CAMTA1: variants seen among roughly 807,000 people sequenced by gnomAD.
The protein encoded by CAMTA1 is calmodulin-binding transcription activator 1.
A neutral mutation model predicts 170.9 loss-of-function variants in CAMTA1; 27 were observed. The ratio of observed to expected loss-of-function variants is 0.16; its 90% CI spans 0.12 to 0.22. CAMTA1 has a LOEUF of 0.22. CAMTA1 is among the 10% of genes least tolerant of loss of function. CAMTA1 has a pLI of 1.00. For missense variants in CAMTA1, 1,619 were observed against 2,217.2 expected (o/e 0.73, Z 5.42); for synonymous variants, 833 against 891.5 (o/e 0.93, Z 1.17).
rs574643601 is a variant in CAMTA1, at chr1:7,333,706, G to A, written c.438+84080G>A. 4.6e-4 allele frequency among the ~76,000 whole-genome samples: 70 copies of A among 152,330 alleles called. No homozygotes were observed. The highest frequency in any genetic ancestry group is 1.6e-3 in the African/African-American group (66 of 41,574). On this transcript the variant is annotated intron_variant, in intron 5 of 22. Transcript: ENST00000303635. The surrounding 1 kb of genome is among the most constrained non-coding windows in gnomAD (Gnocchi z 4.4). Reference sequence around the variant, plus strand: ...CAATAAGCATCCCGGTGATCTGTGTGCCTTGCAGGGGCGTGGAGCCTGGTG... The same window carrying A: ...CAATAAGCATCCCGGTGATCTGTGTACCTTGCAGGGGCGTGGAGCCTGGTG...
chr1:7,060,854 C>A (rs138157268), intron 3 of CAMTA1, among the ~76,000 whole-genome samples: 1 of 152,176 alleles, frequency 6.6e-6, no homozygotes, highest in Non-Finnish European at 1.5e-5. Flanking sequence ...GCCAGGAAAG[C>A]GGAGTTGCTG....
At chr1:7,396,574 A>G (rs570505915) in intron 5 of CAMTA1, among the ~76,000 whole-genome samples, 2 of 152,342 alleles carry the variant, frequency 1.3e-5, no homozygotes, top group East Asian at 1.9e-4. Flanking sequence ...GTCTTATTCC[A>G]GATCTTAGAA....
At chr1:7,274,376 A>G (rs1419798897) in intron 5 of CAMTA1, among the ~76,000 whole-genome samples, 1 of 152,206 alleles carries the variant, frequency 6.6e-6, no homozygotes, top group Non-Finnish European at 1.5e-5. Context: ...GATATTTTAT[A>G]ATGATAAGAG....
chr1:7,336,780 T>TGCAGAGCTAACCACTGGGCCTCCTTC (rs2083409184), intron 5 of CAMTA1, among the ~76,000 whole-genome samples: 1 of 152,176 alleles, frequency 6.6e-6, no homozygotes, highest in African/African-American at 2.4e-5. Context: ...GAACCTCCCC[T>TGCAGAGCTAACCACTGGGCCTCCTTC]GCAGAGCTAA....
Position 6,931,094 on chromosome 1 carries a change from A to G in CAMTA1, c.234+105884A>G, listed in dbSNP as rs544454068. Among the ~76,000 whole-genome samples, 11 of 152,316 alleles carry G rather than the reference A, an allele frequency of 7.2e-5. No homozygotes were observed. In the East Asian group the frequency reaches 1.9e-3, roughly 27 times the overall value. ...AAGGCTACAAGGCATGGGGGCAAAA[A>G]GAAACCTCCGTTCATACCCCCAGTG... On this transcript the variant is annotated intron_variant, in intron 3 of 22. Transcript: ENST00000303635.
At chr1:7,256,468 G>A (rs545282023) in intron 5 of CAMTA1, among the ~76,000 whole-genome samples, 1 of 152,358 alleles carries the variant, frequency 6.6e-6, no homozygotes, top group East Asian at 1.9e-4. Context: ...GCTGAGGCAG[G>A]AGAATGGCGT....
intron 11 of CAMTA1, among the ~76,000 whole-genome samples, chr1:7,689,427 A>G (rs769409746): frequency 3.3e-5 from 5 of 150,868 alleles, no homozygotes; most frequent in Admixed American, 6.6e-5. Context: ...TACAAAAATT[A>G]GCCAGGTGTG....
At chr1:6,912,217 A>G (rs770849787) in intron 3 of CAMTA1, among the ~76,000 whole-genome samples, 2 of 152,160 alleles carry the variant, frequency 1.3e-5, no homozygotes, top group Non-Finnish European at 2.9e-5. Flanking sequence ...CCTCCCCAGG[A>G]AGTCTTGCAC....
At position 6,820,389 on chromosome 1, in the gene CAMTA1, A is replaced by C. The variant is rs1293656125; in HGVS notation, c.115+139A>C. The C allele has an allele frequency of 1.1e-5, 8 of 734,234 alleles. No individual in the cohort carries two copies. The East Asian group carries it at 2.2e-4, about 20-fold the overall frequency. 45.5% of individuals were successfully genotyped at this position (734,234 alleles called of 1,614,324 possible). A position where few individuals can be genotyped will look rare whatever the true frequency, so the allele number is the denominator to read the frequency against. Reference sequence around the variant, plus strand: ...CTGCACTTAACTGCTGTGTGATCTTAGATGAGTTACTTAATCCTTCTGGGG... The same window carrying C: ...CTGCACTTAACTGCTGTGTGATCTTCGATGAGTTACTTAATCCTTCTGGGG... On this transcript the variant is annotated intron_variant, in intron 2 of 22. Coordinates refer to ENST00000303635, the MANE Select transcript of CAMTA1 (RefSeq NM_015215.4).
chr1:7,539,136 A>G (rs572098918), intron 6 of CAMTA1, among the ~76,000 whole-genome samples: 2 of 152,348 alleles, frequency 1.3e-5, no homozygotes, highest in Admixed American at 6.5e-5. Flanking sequence ...ACATATAGAA[A>G]TCTGGGAGTT....
intron 5 of CAMTA1, among the ~76,000 whole-genome samples, chr1:7,280,525 G>A (rs373658992): frequency 1.8e-4 from 28 of 152,240 alleles, no homozygotes; most frequent in African/African-American, 6.8e-4. Flanking sequence ...AGGGTGCCAC[G>A]TGGATGTCAG....
chr1:7,139,221 A>G lies in CAMTA1; in HGVS notation c.302+47850A>G, dbSNP rs572245821. ...TTATAATATTTATAAAATTATATTC[A>G]TAATATAAATATATATTTATATTTA... On this transcript the variant is annotated intron_variant, in intron 4 of 22. Coordinates refer to ENST00000303635, the MANE Select transcript of CAMTA1 (RefSeq NM_015215.4). Among the ~76,000 whole-genome samples, 791 of 143,536 alleles carry G rather than the reference A, an allele frequency of 5.5e-3. 1 individual carries two copies. The highest frequency in any genetic ancestry group is 0.033 in the Middle Eastern group (9 of 274). The allele number at this position is 143,536 out of a possible 152,430, so 94.2% of individuals were successfully genotyped here.
At chr1:7,720,368 G>T (rs760175909) in intron 11 of CAMTA1, among the ~76,000 whole-genome samples, 1 of 151,784 alleles carries the variant, frequency 6.6e-6, no homozygotes, top group Non-Finnish European at 1.5e-5. Flanking sequence ...GGGTTGGGTG[G>T]TTTTTTTTGT....
chr1:7,187,241 G>A (rs947475634), intron 4 of CAMTA1, among the ~76,000 whole-genome samples: 2 of 152,144 alleles, frequency 1.3e-5, no homozygotes, highest in East Asian at 3.9e-4. Context: ...CCTGACCAGT[G>A]CCAGCCTGCA....
chr1:6,895,703 T>C (rs558982737), intron 3 of CAMTA1, among the ~76,000 whole-genome samples: 49 of 152,334 alleles, frequency 3.2e-4, no homozygotes, highest in African/African-American at 1.0e-3. Context: ...CCTAAAATTA[T>C]TTCCTCTCCT....
chr1:6,911,341 C>T (rs567052804), intron 3 of CAMTA1, among the ~76,000 whole-genome samples: 2 of 152,304 alleles, frequency 1.3e-5, no homozygotes, highest in African/African-American at 2.4e-5. Context: ...TCAGCTCCTT[C>T]GACCTCCCTG....
At chr1:7,430,219 T>C (rs1266327734) in intron 5 of CAMTA1, among the ~76,000 whole-genome samples, 1 of 151,116 alleles carries the variant, frequency 6.6e-6, no homozygotes, top group Non-Finnish European at 1.5e-5. Flanking sequence ...ATGGTGATTA[T>C]GGTGGTGATG....
rs541708609 is a variant in CAMTA1, at chr1:7,646,089, A to G, written c.664+5536A>G. On this transcript the variant is annotated intron_variant, in intron 7 of 22. Transcript: ENST00000303635. ...GGCCCTGGTGAATTGGGTGGAGGCC[A>G]TGGTGAGTTGGGTGGAGGCCCTGGT... Among the ~76,000 whole-genome samples, 4 of 148,026 alleles carry G rather than the reference A, an allele frequency of 2.7e-5. No homozygotes were observed. In the South Asian group the frequency reaches 8.7e-4, roughly 32 times the overall value.
intron 4 of CAMTA1, among the ~76,000 whole-genome samples, chr1:7,137,662 C>T (rs1357420151): frequency 2.0e-5 from 3 of 152,172 alleles, no homozygotes; most frequent in Admixed American, 6.5e-5. Flanking sequence ...ACTCCTGCCT[C>T]GGAGCTTTGG....
Sources: allele counts gnomAD v4.1 joint callset (sites outside exome capture counted in the v4.1 genomes callset), GRCh38; gene constraint gnomAD v4.1.1; non-coding constraint Gnocchi (gnomAD v3.1); transcripts MANE v1.5; gene names NCBI Gene and HGNC (gene_info 2026-07-23, HGNC 2026-07-21).